Variants in INVS observed in about 807,000 individuals in gnomAD.
INVS encodes inversin.
Under a neutral mutation model 108.8 loss-of-function variants are expected in INVS, and 86 were observed. That is an observed-to-expected ratio of 0.79 (90% CI 0.66 to 0.95). The LOEUF (loss-of-function observed/expected upper bound fraction) is 0.95. INVS is among the 40% of genes least tolerant of loss of function. The probability of loss-of-function intolerance (pLI) is 0.00; values close to 1 mark genes in which losing one functional copy is unlikely to be tolerated. For synonymous variants in INVS, 455 were observed against 473.5 expected, an observed-to-expected ratio of 0.96 and a Z score of 0.51; for missense variants, 1,169 against 1,297.4, an observed-to-expected ratio of 0.90 and a Z score of 1.52.
At chr9:100,244,732 T>C (rs753409428) in intron 7 of INVS, among the ~76,000 whole-genome samples, 7 of 152,142 alleles carry the variant, frequency 4.6e-5, no homozygotes, top group Non-Finnish European at 1.0e-4. Context: ...CCTTGAAAAA[T>C]GCAGACACAT....
chr9:100,100,936 T>C (rs1345088752), intron 1 of INVS, among the ~76,000 whole-genome samples: 1 of 35,246 alleles, frequency 2.8e-5, no homozygotes, highest in South Asian at 8.4e-4. Flanking sequence ...ATAATATATA[T>C]AATATATATA....
At chr9:100,162,243 T>C (rs1309547293) in intron 3 of INVS, among the ~76,000 whole-genome samples, 3 of 152,210 alleles carry the variant, frequency 2.0e-5, no homozygotes, top group African/African-American at 7.2e-5. Flanking sequence ...GAAATTTGTA[T>C]CATTAATACA....
Position 100,126,498 on chromosome 9 carries a change from G to A in INVS, c.222G>A (p.Val74=). 1 of 1,614,174 alleles carries A rather than the reference G, an allele frequency of 6.2e-7. No homozygotes were observed. The highest frequency in any genetic ancestry group is 8.5e-7 in the Non-Finnish European group (1 of 1,180,030). The change falls in exon 3 of 17, where the codon GTG becomes GTA. Residue 74 remains valine (V), a synonymous_variant. Coordinates refer to ENST00000262457, the MANE Select transcript of INVS (RefSeq NM_014425.5). ...ADALLKAGAD[V]NKTDHSQRTA... ...CTCTTCTGAAGGCAGGAGCAGATGT[G>A]AATAAAACTGACCATAGCCAGAGAA... is the stretch of plus-strand genomic sequence containing the variant.
intron 3 of INVS, among the ~76,000 whole-genome samples, chr9:100,224,924 T>C (rs544480242): frequency 1.4e-4 from 21 of 151,494 alleles, no homozygotes; most frequent in African/African-American, 5.1e-4. Context: ...TGCTTCTTTC[T>C]TGAGGTGGGT....
At chr9:100,239,550 A>T (rs568224511) in intron 5 of INVS, among the ~76,000 whole-genome samples, 2 of 152,192 alleles carry the variant, frequency 1.3e-5, no homozygotes, top group Non-Finnish European at 2.9e-5. Flanking sequence ...TGGTTATATT[A>T]TTTTCTGTAC....
intron 16 of INVS, among the ~76,000 whole-genome samples, chr9:100,298,581 G>A (rs1293171900): frequency 6.6e-6 from 1 of 152,116 alleles, no homozygotes; most frequent in Non-Finnish European, 1.5e-5. Context: ...GCCAGGTCCA[G>A]TGTTTCTCAT....
At chr9:100,237,136 C>G (rs1044607994) in intron 5 of INVS, among the ~76,000 whole-genome samples, 4 of 152,224 alleles carry the variant, frequency 2.6e-5, no homozygotes, top group African/African-American at 9.6e-5. Context: ...GTTCAAACTT[C>G]TTGGAGGCTT....
At chr9:100,260,070 C>T (rs1832568142) in intron 10 of INVS, among the ~76,000 whole-genome samples, 1 of 149,162 alleles carries the variant, frequency 6.7e-6, no homozygotes, top group Non-Finnish European at 1.5e-5. Flanking sequence ...TGGGGTTTCA[C>T]CATGTTGGCC....
At chr9:100,182,531 T>C (rs1313732625) in intron 3 of INVS, among the ~76,000 whole-genome samples, 1 of 152,028 alleles carries the variant, frequency 6.6e-6, no homozygotes, top group Non-Finnish European at 1.5e-5. Flanking sequence ...GAAAAAAAGC[T>C]CATCATCACT....
intron 3 of INVS, among the ~76,000 whole-genome samples, chr9:100,223,734 C>G (rs1032016108): frequency 2.6e-5 from 4 of 152,200 alleles, no homozygotes; most frequent in Non-Finnish European, 5.9e-5. Flanking sequence ...CAGCAGAGTC[C>G]GTTGGCTTTT....
intron 13 of INVS, among the ~76,000 whole-genome samples, chr9:100,287,380 G>A (rs1459170673): frequency 6.6e-6 from 1 of 152,198 alleles, no homozygotes; most frequent in Non-Finnish European, 1.5e-5. Flanking sequence ...ATGATGTCGA[G>A]AAATAGATTC....
At chr9:100,151,415 G>A (rs1295262197) in intron 3 of INVS, among the ~76,000 whole-genome samples, 3 of 152,026 alleles carry the variant, frequency 2.0e-5, no homozygotes, top group Non-Finnish European at 4.4e-5. Context: ...GGAGGTTGAG[G>A]CTGCAGTAAG....
At chr9:100,252,803 C>A in intron 9 of INVS, 104 bp from the exon 10 acceptor site, 2 of 812,658 alleles carry the variant, frequency 2.5e-6, no homozygotes, top group Admixed American at 2.1e-5. Flanking sequence ...TTCTTCTATT[C>A]ATTTTAATAA....
chr9:100,273,416 C>T (rs1284810241), intron 12 of INVS, among the ~76,000 whole-genome samples: 1 of 152,006 alleles, frequency 6.6e-6, no homozygotes, highest in Non-Finnish European at 1.5e-5. Context: ...CTTACCCTTC[C>T]TCTCTTTCCA....
intron 10 of INVS, among the ~76,000 whole-genome samples, chr9:100,255,929 A>G (rs936786252): frequency 6.6e-6 from 1 of 152,202 alleles, no homozygotes; most frequent in Non-Finnish European, 1.5e-5. Context: ...CTGGCCTCAT[A>G]AAATGATTTA....
chr9:100,274,259 G>A (rs540017766), intron 12 of INVS, among the ~76,000 whole-genome samples: 2 of 152,068 alleles, frequency 1.3e-5, no homozygotes, highest in South Asian at 2.1e-4. Flanking sequence ...TCGGGAGGCT[G>A]AGGCAGGAGA....
intron 11 of INVS, among the ~76,000 whole-genome samples, chr9:100,272,015 T>C (rs965344559): frequency 6.6e-6 from 1 of 151,982 alleles, no homozygotes; most frequent in Non-Finnish European, 1.5e-5. Flanking sequence ...ACTACAGGTA[T>C]GTGCCACCAT....
intron 3 of INVS, among the ~76,000 whole-genome samples, chr9:100,225,339 C>A (rs753971083): frequency 5.1e-4 from 77 of 152,000 alleles, no homozygotes; most frequent in Non-Finnish European, 3.1e-4. Flanking sequence ...TGAGCCACCA[C>A]GCCCGGCCCT....
At chr9:100,230,962 C>T (rs1447266972) in intron 5 of INVS, among the ~76,000 whole-genome samples, 1 of 152,200 alleles carries the variant, frequency 6.6e-6, no homozygotes, top group Admixed American at 6.5e-5. Context: ...TATTTACAAA[C>T]AGTGCTGCAT....
Sources: gnomAD v4.1 joint callset for allele counts (sites outside exome capture counted in the v4.1 genomes callset) on GRCh38, gnomAD v4.1.1 for gene constraint, MANE v1.5 for transcripts, NCBI Gene and HGNC (gene_info 2026-07-23, HGNC 2026-07-21) for gene names.